Variants in MBD2 observed in about 807,000 individuals in gnomAD.
MBD2 encodes methyl-CpG-binding domain protein 2.
Under a neutral mutation model 39.3 loss-of-function variants are expected in MBD2, and 9 were observed. The observed-to-expected ratio is 0.23, with a 90% CI of 0.14 to 0.40. The LOEUF is 0.40. MBD2 is among the 10% of genes least tolerant of loss of function. The pLI, the probability that MBD2 is intolerant of heterozygous loss-of-function variation, is 1.00. For synonymous variants in MBD2, 233 were observed against 211.1 expected, an observed-to-expected ratio of 1.10 and a Z score of -0.90; for missense variants, 458 against 532.6, an observed-to-expected ratio of 0.86 and a Z score of 1.38.
At chr18:54,205,577 G>C (rs1281047606) in intron 1 of MBD2, among the ~76,000 whole-genome samples, 6 of 118,282 alleles carry the variant, frequency 5.1e-5, no homozygotes, top group African/African-American at 1.0e-4. Context: ...GGCAACAAGA[G>C]CAAAACTCTA....
intron 3 of MBD2, among the ~76,000 whole-genome samples, chr18:54,186,688 A>G (rs1474457085): frequency 6.6e-6 from 1 of 152,196 alleles, no homozygotes; most frequent in Non-Finnish European, 1.5e-5. Context: ...AAGACAACTA[A>G]TATCTTAGCA....
intron 3 of MBD2, among the ~76,000 whole-genome samples, chr18:54,181,131 G>C (rs1431643032): frequency 6.6e-6 from 1 of 152,052 alleles, no homozygotes; most frequent in East Asian, 1.9e-4. Context: ...CTGGCCTCAA[G>C]AAATGTGCCT....
chr18:54,180,530 G>C (rs922633057), intron 3 of MBD2, among the ~76,000 whole-genome samples: 2 of 152,122 alleles, frequency 1.3e-5, no homozygotes, highest in African/African-American at 4.8e-5. Context: ...ACGGCAGAGA[G>C]AGAGAACTAT....
At chr18:54,158,715 G>T (rs900885503) in intron 6 of MBD2, among the ~76,000 whole-genome samples, 2 of 152,080 alleles carry the variant, frequency 1.3e-5, no homozygotes, top group African/African-American at 4.8e-5. Context: ...TCTGCCTCCC[G>T]GGTTCAAGCA....
chr18:54,183,286 G>T (rs1305871154), intron 3 of MBD2, among the ~76,000 whole-genome samples: 5 of 152,170 alleles, frequency 3.3e-5, no homozygotes, highest in Non-Finnish European at 5.9e-5. Flanking sequence ...TCAGGATGAA[G>T]ATATAAATTT....
At chr18:54,179,809 G>A (rs2086237019) in intron 3 of MBD2, among the ~76,000 whole-genome samples, 1 of 152,122 alleles carries the variant, frequency 6.6e-6, no homozygotes, top group South Asian at 2.1e-4. Flanking sequence ...AATGTTCCCT[G>A]ACATCACGAA....
intron 1 of MBD2, among the ~76,000 whole-genome samples, chr18:54,214,961 C>T (rs1362570543): frequency 2.6e-5 from 4 of 151,964 alleles, no homozygotes; most frequent in Admixed American, 6.6e-5. Flanking sequence ...AGGATGGTCT[C>T]GATCTCCTGA....
chr18:54,194,593 T>G (rs978199830), intron 2 of MBD2, among the ~76,000 whole-genome samples: 1 of 150,796 alleles, frequency 6.6e-6, no homozygotes, highest in Non-Finnish European at 1.5e-5. Context: ...GAAAAAAATT[T>G]TTTAAATAAT....
intron 2 of MBD2, among the ~76,000 whole-genome samples, chr18:54,199,954 T>A (rs981079394): frequency 1.3e-5 from 2 of 152,180 alleles, no homozygotes; most frequent in Non-Finnish European, 2.9e-5. Flanking sequence ...CACAAAATTT[T>A]TTATTATTGT....
In MBD2 at chr18:54,207,872, C is replaced by T. The variant is rs535560334; in HGVS notation, c.543-2715G>A. Among the ~76,000 whole-genome samples, 3 of 152,048 alleles carry T rather than the reference C, an allele frequency of 2.0e-5. No individual in the cohort carries two copies. In the South Asian group the frequency reaches 6.2e-4, roughly 32 times the overall value. ...CTAACACGGTGAAACCCCGTCTCTA[C>T]TAAAAATACAAAAAAATTAGCCGGG... On this transcript the variant is annotated intron_variant, in intron 1 of 6. Coordinates refer to ENST00000256429, the MANE Select transcript of MBD2 (RefSeq NM_003927.5).
intron 3 of MBD2, among the ~76,000 whole-genome samples, chr18:54,177,287 G>A (rs2086218358): frequency 6.6e-6 from 1 of 152,130 alleles, no homozygotes; most frequent in South Asian, 2.1e-4. Flanking sequence ...ATGGGGGCAT[G>A]TTCGACTTTT....
At chr18:54,181,778 T>C (rs1278114007) in intron 3 of MBD2, among the ~76,000 whole-genome samples, 3 of 152,186 alleles carry the variant, frequency 2.0e-5, no homozygotes, top group Non-Finnish European at 4.4e-5. Flanking sequence ...GGATTACAGG[T>C]GTGGGCCACT....
intron 5 of MBD2, 78 bp from the exon 6 acceptor site, chr18:54,159,981 T>C: frequency 2.0e-6 from 3 of 1,470,696 alleles, no homozygotes; most frequent in Admixed American, 1.9e-5. Context: ...AAGTTCATCC[T>C]TACTTCAAAA....
chr18:54,199,878 ATTC>A (rs957222121), intron 2 of MBD2, among the ~76,000 whole-genome samples: 22 of 152,224 alleles, frequency 1.4e-4, no homozygotes, highest in Admixed American at 1.3e-3. Flanking sequence ...CCCAAATCTG[ATTC>A]TTATCATCAC....
In MBD2 at chr18:54,152,388, G is replaced by C. The variant is rs974112462; in HGVS notation, c.*2936C>G. ...AATAGTGGCAGCATGAGGCCAGACA[G>C]ACAAGCAGGGATCAGATCAAGAAGA... On this transcript the variant is annotated 3_prime_UTR_variant, in exon 7 of 7. Transcript: ENST00000256429. The C allele has an allele frequency of 2.0e-5, 3 of 152,270 alleles. No homozygotes were observed. The highest frequency in any genetic ancestry group is 4.4e-5 in the Non-Finnish European group (3 of 68,094). 9.4% of individuals were successfully genotyped at this position (152,270 alleles called of 1,614,324 possible). A position where few individuals can be genotyped will look rare whatever the true frequency, so the allele number is the denominator to read the frequency against.
At chr18:54,214,398 T>C (rs899029829) in intron 1 of MBD2, among the ~76,000 whole-genome samples, 1 of 152,010 alleles carries the variant, frequency 6.6e-6, no homozygotes, top group Non-Finnish European at 1.5e-5. Flanking sequence ...GGAGTCTCAC[T>C]ATGTTAGCCA....
At chr18:54,209,627 A>G (rs1400845482) in intron 1 of MBD2, among the ~76,000 whole-genome samples, 1 of 152,192 alleles carries the variant, frequency 6.6e-6, no homozygotes, top group East Asian at 1.9e-4. Flanking sequence ...TGCTTTAAGG[A>G]AAGTCAACCT....
At chr18:54,202,035 CAAGAT>C (rs2086411857) in intron 2 of MBD2, among the ~76,000 whole-genome samples, 1 of 152,040 alleles carries the variant, frequency 6.6e-6, no homozygotes, top group South Asian at 2.1e-4. Flanking sequence ...CTAATTCTTT[CAAGAT>C]AAGAGTTTAA....
intron 2 of MBD2, among the ~76,000 whole-genome samples, chr18:54,197,952 C>A (rs2086379066): frequency 2.0e-5 from 3 of 152,166 alleles, no homozygotes; most frequent in Admixed American, 2.0e-4. Context: ...TCTACAGAGA[C>A]CAGACAACAC....
Sources: allele counts gnomAD v4.1 joint callset (sites outside exome capture counted in the v4.1 genomes callset), GRCh38; gene constraint gnomAD v4.1.1; transcripts MANE v1.5; gene names NCBI Gene and HGNC (gene_info 2026-07-23, HGNC 2026-07-21).